Variants in ATP8B4 observed in about 807,000 individuals in gnomAD.
The protein encoded by ATP8B4 is ATPase phospholipid transporting 8B4 (putative).
A neutral mutation model predicts 145.6 loss-of-function variants in ATP8B4; 133 were observed. That is an observed-to-expected ratio of 0.91 (90% CI 0.79 to 1.05). ATP8B4 has a LOEUF of 1.05. ATP8B4 is among the 50% of genes least tolerant of loss of function. ATP8B4 has a pLI of 0.00. For synonymous variants in ATP8B4, 507 were observed against 492.9 expected (o/e 1.03, Z -0.38); for missense variants, 1,458 against 1,425.2 (o/e 1.02, Z -0.37).
rs940798819 is a variant in ATP8B4 at position 49,923,492 on chromosome 15, G to A, written c.1645C>T (p.Arg549Ter). Reference sequence around the variant, plus strand: ...AGCTTTATCTGTCCTTCTGGGTTTCGAACTGAAAAGAAAAAAGTTTGGAAA... The same window carrying A: ...AGCTTTATCTGTCCTTCTGGGTTTCAAACTGAAAAGAAAAAAGTTTGGAAA... ...NTRKRMSVIV[R>*]NPEGQIKLYS... Residue 549 changes from arginine to a stop codon, truncating the protein, a stop_gained and splice_region_variant, in exon 17 of 28, where the codon CGA (arginine) becomes TGA (stop). Coordinates refer to ENST00000284509, the MANE Select transcript of ATP8B4 (RefSeq NM_024837.4). LOFTEE classifies it high-confidence loss of function. The A allele has an allele frequency of 1.1e-5, 17 of 1,582,592 alleles. No homozygotes were observed. The highest frequency in any genetic ancestry group is 1.7e-4 in the Middle Eastern group (1 of 5,984).
At chr15:50,121,740 G>A (rs2057272630), upstream of ATP8B4, among the ~76,000 whole-genome samples, 2 of 152,200 alleles carry the variant, frequency 1.3e-5, no homozygotes, top group South Asian at 2.1e-4. Context: ...TAGGCAGTAT[G>A]TGCACTGTCA....
At chr15:50,141,656 A>G (rs2044212304) in intron 1 of ATP8B4, among the ~76,000 whole-genome samples, 1 of 152,206 alleles carries the variant, frequency 6.6e-6, no homozygotes, top group Admixed American at 6.5e-5. Context: ...AAGGAGCCGC[A>G]CTGTGCATAT....
chr15:49,877,161 G>C (rs114305663), intron 24 of ATP8B4, among the ~76,000 whole-genome samples: 2 of 152,208 alleles, frequency 1.3e-5, no homozygotes, highest in African/African-American at 4.8e-5. Flanking sequence ...AGAATGAGAA[G>C]GTGGCACATT....
intron 25 of ATP8B4, among the ~76,000 whole-genome samples, chr15:49,869,488 T>A (rs527634299): frequency 1.3e-5 from 2 of 151,864 alleles, no homozygotes; most frequent in African/African-American, 2.4e-5. Flanking sequence ...AATATAAAAA[T>A]ACAAAACTTA....
chr15:49,859,958 G>T lies in ATP8B4; in HGVS notation c.*236C>A, dbSNP rs2031324847. ...TTAAAAAAAAAAAAAATCTGTACTT[G>T]TAACAGCGAGTGTTTTGTCCACCAA... On this transcript the variant is annotated 3_prime_UTR_variant, in exon 28 of 28. Transcript: ENST00000284509. The T allele has an allele frequency of 6.5e-6, 3 of 461,798 alleles. No homozygotes were observed. Among genetic ancestry groups the T allele is most frequent in the Non-Finnish European group, 7.5e-6 (2 of 267,060 alleles). 28.6% of individuals were successfully genotyped at this position (461,798 alleles called of 1,614,324 possible).
intron 9 of ATP8B4, among the ~76,000 whole-genome samples, chr15:49,987,849 C>T (rs148518703): frequency 1.3e-5 from 2 of 152,230 alleles, no homozygotes; most frequent in East Asian, 1.9e-4. Context: ...TCTTTACTTC[C>T]GGTTTGTAAC....
chr15:49,903,071 G>A (rs2038217466), intron 20 of ATP8B4, among the ~76,000 whole-genome samples: 1 of 152,146 alleles, frequency 6.6e-6, no homozygotes, highest in Admixed American at 6.5e-5. Flanking sequence ...AAAAGGGACA[G>A]TTTTTCTGGC....
rs764337686 is a variant in ATP8B4 at position 49,931,088 on chromosome 15, G to A, written c.1642+31C>T. On this transcript the variant is annotated intron_variant, in intron 16 of 27. Transcript: ENST00000284509. Reference sequence around the variant, plus strand: ...AAGCATAACCACAACAGTATGAAAAGATCAAAAATAGTCTTAGCTACCAAC... The same window carrying A: ...AAGCATAACCACAACAGTATGAAAAAATCAAAAATAGTCTTAGCTACCAAC... The A allele has an allele frequency of 4.4e-6, 7 of 1,574,706 alleles. No homozygotes were observed. In the African/African-American group the frequency reaches 8.2e-5, roughly 18 times the overall value.
chr15:49,898,867 T>C (rs1289150351), intron 21 of ATP8B4, among the ~76,000 whole-genome samples: 6 of 152,172 alleles, frequency 3.9e-5, no homozygotes, highest in African/African-American at 7.2e-5. Context: ...CTTGCTCCTA[T>C]CCAAATGCAT....
intron 2 of ATP8B4, among the ~76,000 whole-genome samples, chr15:50,086,159 T>A (rs1222199752): frequency 4.4e-5 from 3 of 68,808 alleles, no homozygotes; most frequent in South Asian, 4.4e-4. Flanking sequence ...TTATTATATA[T>A]AATAAAATAA....
chr15:50,129,884 G>A (rs933787844), intron 1 of ATP8B4, among the ~76,000 whole-genome samples: 3 of 149,008 alleles, frequency 2.0e-5, no homozygotes, highest in African/African-American at 7.5e-5. Context: ...GGAGGCGGAG[G>A]CTGCAGTGAG....
At chr15:50,062,232 G>A (rs937096553) in intron 3 of ATP8B4, among the ~76,000 whole-genome samples, 1 of 152,138 alleles carries the variant, frequency 6.6e-6, no homozygotes, top group Non-Finnish European at 1.5e-5. Context: ...CTAAGGGATG[G>A]CTTATCACCA....
At chr15:49,958,638 G>C (rs1419810035) in intron 14 of ATP8B4, among the ~76,000 whole-genome samples, 1 of 151,810 alleles carries the variant, frequency 6.6e-6, no homozygotes, top group African/African-American at 2.4e-5. Flanking sequence ...GAATTTAAAA[G>C]ACTTATGAGT....
intron 2 of ATP8B4, among the ~76,000 whole-genome samples, chr15:50,076,495 AAAAAAG>A (rs2054184823): frequency 6.6e-6 from 1 of 151,934 alleles, no homozygotes; most frequent in African/African-American, 2.4e-5. Context: ...CATCTCAAAA[AAAAAAG>A]AAAAAAGAAA....
chr15:50,093,910 A>G (rs1397976465), intron 2 of ATP8B4, among the ~76,000 whole-genome samples: 9 of 152,218 alleles, frequency 5.9e-5, no homozygotes, highest in Admixed American at 2.0e-4. Context: ...CCATAGTAAC[A>G]AAAGATTGAT....
chr15:49,951,634 G>C (rs2043113407), intron 14 of ATP8B4, among the ~76,000 whole-genome samples: 1 of 152,078 alleles, frequency 6.6e-6, no homozygotes, highest in South Asian at 2.1e-4. Flanking sequence ...AATGGGTCTT[G>C]ATTCCCTATC....
intron 3 of ATP8B4, among the ~76,000 whole-genome samples, chr15:50,063,252 T>C (rs972468418): frequency 1.3e-5 from 2 of 152,044 alleles, no homozygotes; most frequent in African/African-American, 4.8e-5. Flanking sequence ...GGGAGGTCTC[T>C]AGTGATAAGA....
chr15:50,084,334 G>C (rs1308227024), intron 2 of ATP8B4, among the ~76,000 whole-genome samples: 1 of 152,124 alleles, frequency 6.6e-6, no homozygotes, highest in Admixed American at 6.6e-5. Context: ...CAGGTAATAA[G>C]GCTTTAAAAA....
chr15:49,993,085 G>A (rs1031420274), intron 9 of ATP8B4, among the ~76,000 whole-genome samples: 4 of 152,016 alleles, frequency 2.6e-5, no homozygotes, highest in African/African-American at 9.7e-5. Context: ...AGGAGCAAAG[G>A]ATCAAAAGAA....
Sources: gnomAD v4.1 joint callset for allele counts (sites outside exome capture counted in the v4.1 genomes callset) on GRCh38, gnomAD v4.1.1 for gene constraint, MANE v1.5 for transcripts, NCBI Gene and HGNC (gene_info 2026-07-23, HGNC 2026-07-21) for gene names.